Variants in ITGAV observed in about 807,000 individuals in gnomAD.
ITGAV encodes the protein integrin alpha-V.
ITGAV carries 76 observed loss-of-function variants against 143.8 expected under a neutral mutation model. That is an observed-to-expected ratio of 0.53 (90% CI 0.44 to 0.64). The LOEUF (loss-of-function observed/expected upper bound fraction) is 0.64. ITGAV is among the 30% of genes least tolerant of loss of function. The probability of loss-of-function intolerance (pLI) is 0.00; values close to 1 mark genes in which losing one functional copy is unlikely to be tolerated. For missense variants in ITGAV, 1,193 were observed against 1,274.7 expected (o/e 0.94, Z 0.98); for synonymous variants, 453 against 446.7 (o/e 1.01, Z -0.18).
chr2:186,661,757 C>G (rs530532497), intron 18 of ITGAV, among the ~76,000 whole-genome samples: 2 of 151,844 alleles, frequency 1.3e-5, no homozygotes, highest in Admixed American at 6.6e-5. Context: ...CCACCACGCC[C>G]GGCTAATTTT....
At chr2:186,629,249 TCA>T (rs1687756763) in intron 4 of ITGAV, among the ~76,000 whole-genome samples, 1 of 152,060 alleles carries the variant, frequency 6.6e-6, no homozygotes, top group African/African-American at 2.4e-5. Flanking sequence ...GCAAAAGCAC[TCA>T]GTTTAATATA....
chr2:186,670,645 A>C (rs969304045), intron 26 of ITGAV, among the ~76,000 whole-genome samples: 1 of 152,186 alleles, frequency 6.6e-6, no homozygotes. Flanking sequence ...TACATCACCA[A>C]ATTCTGTGGT....
intron 1 of ITGAV, among the ~76,000 whole-genome samples, chr2:186,594,078 G>A (rs1686684433): frequency 6.6e-6 from 1 of 152,104 alleles, no homozygotes; most frequent in African/African-American, 2.4e-5. Context: ...TCCTTCAATG[G>A]TTCTCAGTCC....
intron 2 of ITGAV, among the ~76,000 whole-genome samples, chr2:186,607,337 CATT>C (rs1441796756): frequency 6.6e-6 from 1 of 152,102 alleles, no homozygotes; most frequent in African/African-American, 2.4e-5. Context: ...AACACTTTGT[CATT>C]ATTCACATTT....
chr2:186,612,394 G>T (rs1489159876), intron 2 of ITGAV, among the ~76,000 whole-genome samples: 9 of 150,366 alleles, frequency 6.0e-5, no homozygotes, highest in African/African-American at 2.2e-4. Context: ...TAAAGGAGAA[G>T]CTCCTACCTT....
chr2:186,646,161 G>A (rs1479036770), intron 12 of ITGAV, among the ~76,000 whole-genome samples: 3 of 152,138 alleles, frequency 2.0e-5, no homozygotes, highest in South Asian at 2.1e-4. Context: ...TCTTCTTTCA[G>A]TGTAAGTTGA....
chr2:186,658,637 G>T (rs1476898093), intron 17 of ITGAV, among the ~76,000 whole-genome samples: 1 of 152,114 alleles, frequency 6.6e-6, no homozygotes, highest in Non-Finnish European at 1.5e-5. Flanking sequence ...GATCTTAAGA[G>T]TGTAGGACAG....
chr2:186,646,906 T>C, intron 13 of ITGAV, 29 bp downstream of exon 13: 1 of 1,467,632 alleles, frequency 6.8e-7, no homozygotes, highest in Non-Finnish European at 9.2e-7. Flanking sequence ...ATAGAGCCCT[T>C]AGATTTTTCA....
At chr2:186,620,003 AAAAAG>A (rs1398216600) in intron 2 of ITGAV, among the ~76,000 whole-genome samples, 2 of 152,018 alleles carry the variant, frequency 1.3e-5, no homozygotes, top group Admixed American at 6.6e-5. Flanking sequence ...AAAAAAAAAG[AAAAAG>A]AAAAGAAAAG....
chr2:186,645,593 A>T (rs1217400965), intron 12 of ITGAV, among the ~76,000 whole-genome samples: 1 of 152,136 alleles, frequency 6.6e-6, no homozygotes, highest in African/African-American at 2.4e-5. Flanking sequence ...TAAGATGGGG[A>T]TGGGTGTGAC....
Position 186,603,154 on chromosome 2 carries a change from TA to T in ITGAV, c.316+1004del, listed in dbSNP as rs892874636. On this transcript the variant is annotated intron_variant, in intron 2 of 29. Coordinates refer to ENST00000261023, the MANE Select transcript of ITGAV (RefSeq NM_002210.5). ...ATATTTATATATATTTGTGAAATCT[TA>T]GATAGTCCTTAAGGAAATAGTGTGA... 7.1e-4 allele frequency among the ~76,000 whole-genome samples: 108 copies of T among 152,326 alleles called. 1 individual carries two copies. In the Middle Eastern group the frequency reaches 0.01, roughly 14 times the overall value.
chr2:186,660,312 C>T (rs1688709328), intron 18 of ITGAV, among the ~76,000 whole-genome samples: 1 of 152,260 alleles, frequency 6.6e-6, no homozygotes, highest in East Asian at 1.9e-4. Flanking sequence ...AGAATAACTG[C>T]AGTAATATTT....
chr2:186,634,011 G>T (rs1008659698), intron 6 of ITGAV, among the ~76,000 whole-genome samples: 4 of 152,078 alleles, frequency 2.6e-5, no homozygotes, highest in African/African-American at 9.7e-5. Flanking sequence ...CTGGGTAGCA[G>T]AGTGACACTC....
chr2:186,621,906 T>C (rs1371271783), intron 2 of ITGAV, among the ~76,000 whole-genome samples: 2 of 152,214 alleles, frequency 1.3e-5, no homozygotes, highest in Middle Eastern at 3.2e-3. Flanking sequence ...TGTTATGTCT[T>C]AGGCACACGT....
intron 12 of ITGAV, among the ~76,000 whole-genome samples, chr2:186,642,539 T>TC (rs948198058): frequency 6.8e-6 from 1 of 147,252 alleles, no homozygotes. Flanking sequence ...TTTTTTCTTT[T>TC]TTTTTTTTTT....
At chr2:186,630,667 G>A (rs776680504) in intron 4 of ITGAV, 130 bp from the exon 5 acceptor site, 1 of 604,248 alleles carries the variant, frequency 1.7e-6, no homozygotes, top group South Asian at 2.2e-5. Flanking sequence ...ATAACTAAGT[G>A]CCCGAGTGAA....
chr2:186,637,218 C>A (rs2105705454), intron 8 of ITGAV, 109 bp downstream of exon 8: 2 of 872,736 alleles, frequency 2.3e-6, no homozygotes, highest in African/African-American at 1.7e-5. Flanking sequence ...GCTGTGGCTG[C>A]AGCCTGTAAT....
chr2:186,675,823 G>A lies in ITGAV; in HGVS notation c.2824G>A (p.Glu942Lys), dbSNP rs757331033. 6.3e-7 allele frequency: 1 copy of A among 1,595,686 alleles called. No homozygotes were observed. Among genetic ancestry groups the A allele is most frequent in the South Asian group, 1.1e-5 (1 of 89,044 alleles). ...TCTAATTGTTATTTCCAAACAGAAAGAAAATCAGAATCATTCCTATTCTCT... is the reference window on the plus strand; with the variant it reads ...TCTAATTGTTATTTCCAAACAGAAAAAAAATCAGAATCATTCCTATTCTCT... ...LLWTETFMNKENQNHSYSLKS... is the reference protein window; with the variant it reads ...LLWTETFMNKKNQNHSYSLKS... Residue 942 changes from glutamate to lysine, a missense_variant, in exon 28 of 30, where the codon GAA becomes AAA. Glu to Lys is a moderately conservative substitution (Grantham distance 56). Transcript: ENST00000261023.
At chr2:186,638,254 A>T in intron 8 of ITGAV, 23 bp from the exon 9 acceptor site, 3 of 1,610,778 alleles carry the variant, frequency 1.9e-6, no homozygotes, top group Non-Finnish European at 2.5e-6. Flanking sequence ...AAAATGAATA[A>T]TTTGTTTGTT....
Sources: gnomAD v4.1 joint callset for allele counts (sites outside exome capture counted in the v4.1 genomes callset) on GRCh38, gnomAD v4.1.1 for gene constraint, MANE v1.5 for transcripts, NCBI Gene and HGNC (gene_info 2026-07-23, HGNC 2026-07-21) for gene names.